The following LONP2 variants were observed in gnomAD, a reference collection of about 807,000 sequenced individuals.
LONP2 encodes the protein lon protease homolog 2, peroxisomal.
A neutral mutation model predicts 85.6 loss-of-function variants in LONP2; 60 were observed. The ratio of observed to expected loss-of-function variants is 0.70; its 90% CI spans 0.57 to 0.87. The LOEUF is 0.87. LONP2 is among the 40% of genes least tolerant of loss of function. The pLI is 0.00. For synonymous variants in LONP2, 395 were observed against 389.7 expected, an observed-to-expected ratio of 1.01 and a Z score of -0.16; for missense variants, 860 against 1,063.5, an observed-to-expected ratio of 0.81 and a Z score of 2.66.
chr16:48,312,930 G>A, intron 11 of LONP2, among the ~76,000 whole-genome samples: 1 of 152,182 alleles, frequency 6.6e-6, no homozygotes, highest in East Asian at 1.9e-4. Context: ...AGATTGTGGG[G>A]TGAAGCCAGG....
intron 2 of LONP2, among the ~76,000 whole-genome samples, chr16:48,255,077 AACTG>A (rs1401735608): frequency 6.6e-6 from 1 of 152,220 alleles, no homozygotes; most frequent in African/African-American, 2.4e-5. Flanking sequence ...ATCTGATTTG[AACTG>A]ACTAAATGAA....
At chr16:48,258,483 C>T in intron 3 of LONP2, 135 bp from the exon 4 acceptor site, 1 of 689,828 alleles carries the variant, frequency 1.4e-6, no homozygotes, top group Admixed American at 3.5e-5. Flanking sequence ...ATTTGGTTGT[C>T]TTAGCCATAG....
chr16:48,311,963 C>CAA (rs1401209466), intron 11 of LONP2, among the ~76,000 whole-genome samples: 1 of 149,962 alleles, frequency 6.7e-6, no homozygotes, highest in African/African-American at 2.5e-5. Flanking sequence ...TTTTCTGAGA[C>CAA]AGAGTTTTAC....
intron 11 of LONP2, among the ~76,000 whole-genome samples, chr16:48,309,694 T>C (rs532257491): frequency 7.9e-4 from 120 of 152,366 alleles, no homozygotes; most frequent in African/African-American, 2.8e-3. Context: ...TTTATTCCAT[T>C]GTGTGAAGAT....
At chr16:48,347,377 T>TTAC in intron 12 of LONP2, 130 bp from the exon 13 acceptor site, 1 of 784,380 alleles carries the variant, frequency 1.3e-6, no homozygotes, top group South Asian at 1.6e-5. Flanking sequence ...CAGAATCATG[T>TTAC]TAGGTAACAA....
intron 7 of LONP2, 114 bp downstream of exon 7, chr16:48,270,388 T>C (rs1596928925): frequency 1.8e-6 from 2 of 1,134,514 alleles, no homozygotes; most frequent in African/African-American, 1.6e-5. Flanking sequence ...CTATGTGTGG[T>C]ACCTTGAATG....
At chr16:48,300,761 AAATT>A (rs1972787705) in intron 10 of LONP2, among the ~76,000 whole-genome samples, 1 of 152,214 alleles carries the variant, frequency 6.6e-6, no homozygotes, top group Admixed American at 6.5e-5. Flanking sequence ...CAGGAGAAAT[AAATT>A]AAGTGACTTA....
At chr16:48,334,396 T>C in intron 12 of LONP2, 38 bp downstream of exon 12, 1 of 1,613,738 alleles carries the variant, frequency 6.2e-7, no homozygotes, top group Non-Finnish European at 8.5e-7. Context: ...CTCCAGTCAA[T>C]GAAAGGAACA....
chr16:48,328,364 T>A (rs1451830965), intron 11 of LONP2, among the ~76,000 whole-genome samples: 2 of 151,348 alleles, frequency 1.3e-5, no homozygotes, highest in South Asian at 4.2e-4. Context: ...ACCAACATGG[T>A]GAAACCCCGT....
chr16:48,295,969 T>C (rs1345387358), intron 8 of LONP2, 46 bp from the exon 9 acceptor site: 3 of 1,592,904 alleles, frequency 1.9e-6, no homozygotes, highest in East Asian at 4.5e-5. Context: ...TACAGCCTTC[T>C]GTTGGCACTA....
intron 1 of LONP2, among the ~76,000 whole-genome samples, chr16:48,245,230 C>G (rs952112945): frequency 1.1e-4 from 16 of 152,158 alleles, no homozygotes; most frequent in Admixed American, 2.0e-4. Flanking sequence ...CTCACATTTT[C>G]GCTGGTCCCC....
chr16:48,354,539 ACT>A lies in LONP2; in HGVS notation c.*2740_*2741del, dbSNP rs1378155912. 6.6e-6 allele frequency: 1 copy of A among 151,582 alleles called. No individual in the cohort carries two copies. The highest frequency in any genetic ancestry group is 2.4e-5 in the African/African-American group (1 of 41,172). 9.4% of individuals were successfully genotyped at this position (151,582 alleles called of 1,614,324 possible). A position where few individuals can be genotyped will look rare whatever the true frequency, so the allele number is the denominator to read the frequency against. On this transcript the variant is annotated 3_prime_UTR_variant, in exon 15 of 15. Transcript: ENST00000285737. The stretch of plus-strand genomic sequence containing the variant: ...GCATTTTTTATCACCACAAACTGAA[ACT>A]CTGTACCCACTGAAAAAGAGCTCCA...
intron 11 of LONP2, among the ~76,000 whole-genome samples, chr16:48,322,079 C>T (rs113335900): frequency 0.047 from 7,133 of 151,920 alleles, 236 homozygotes; most frequent in Middle Eastern, 0.15. Context: ...TGCCACCACA[C>T]CCAGCTTTTT....
rs190877231 is a variant in LONP2 at position 48,299,351 on chromosome 16, G to T, written c.1535-311G>T. Among the ~76,000 whole-genome samples, 649 of 152,144 alleles carry T rather than the reference G, an allele frequency of 4.3e-3. 5 individuals carry two copies. Among genetic ancestry groups the T allele is most frequent in the Admixed American group, 0.01 (159 of 15,278 alleles). ...TATAATCTCAGCACTTTGGGAGGCTGAGGCTGGTGGATCACTTGAGGCCAG... is the reference window on the plus strand; with the variant it reads ...TATAATCTCAGCACTTTGGGAGGCTTAGGCTGGTGGATCACTTGAGGCCAG... On this transcript the variant is annotated intron_variant, in intron 9 of 14. Transcript: ENST00000285737.
At chr16:48,258,351 A>G (rs1454705387) in intron 3 of LONP2, among the ~76,000 whole-genome samples, 4 of 151,780 alleles carry the variant, frequency 2.6e-5, no homozygotes, top group Non-Finnish European at 5.9e-5. Flanking sequence ...GTCTCAAAAA[A>G]AAAAAGAAAA....
At position 48,340,451 on chromosome 16, in the gene LONP2, ATATT is replaced by A. The variant is rs367634341; in HGVS notation, c.1938+6096_1938+6099del. On this transcript the variant is annotated intron_variant, in intron 12 of 14. Transcript: ENST00000285737. ...TGTTTTTCTAATCCAAATTTTGTACATATTTAATAACCTTATACCACCACTTACT... is the reference window on the plus strand; with the variant it reads ...TGTTTTTCTAATCCAAATTTTGTACATAATAACCTTATACCACCACTTACT... Among the ~76,000 whole-genome samples the A allele has an allele frequency of 7.2e-4, 109 of 152,352 alleles. 2 individuals are homozygous for A. The South Asian group carries it at 0.022, about 31-fold the overall frequency.
Position 48,262,814 on chromosome 16 carries a change from T to C in LONP2, c.924T>C (p.Ala308=). The stretch of plus-strand genomic sequence containing the variant: ...TGCCTCAGTCAATGCCAGAATATGC[T>C]CTGACTAGAAATTATTTGGAACTTA... ...KKMPQSMPEY[A]LTRNYLELMV... is the part of the protein sequence containing the mutation. The change falls in exon 6 of 15, where the codon GCT becomes GCC. Residue 308 remains alanine (A), a synonymous_variant. Coordinates refer to ENST00000285737, the MANE Select transcript of LONP2 (RefSeq NM_031490.5). 1 of 1,612,556 alleles carries C rather than the reference T, an allele frequency of 6.2e-7. No homozygotes were observed. Among genetic ancestry groups the C allele is most frequent in the South Asian group, 1.1e-5 (1 of 90,896 alleles).
intron 6 of LONP2, among the ~76,000 whole-genome samples, chr16:48,264,289 G>A (rs1971941596): frequency 1.3e-5 from 2 of 151,990 alleles, no homozygotes; most frequent in African/African-American, 4.8e-5. Flanking sequence ...CTGCAATCTC[G>A]ACCATAAGAG....
At chr16:48,318,742 G>A (rs780508853) in intron 11 of LONP2, among the ~76,000 whole-genome samples, 134 of 152,262 alleles carry the variant, frequency 8.8e-4, no homozygotes, top group Admixed American at 3.9e-3. Flanking sequence ...GCTTGTGTTC[G>A]TTCCCACTCA....
Sources: gnomAD v4.1 joint callset for allele counts (sites outside exome capture counted in the v4.1 genomes callset) on GRCh38, gnomAD v4.1.1 for gene constraint, MANE v1.5 for transcripts, NCBI Gene and HGNC (gene_info 2026-07-23, HGNC 2026-07-21) for gene names.